Variants in GAS2 observed in about 807,000 individuals in gnomAD.
GAS2 encodes growth arrest specific 2.
A neutral mutation model predicts 37.5 loss-of-function variants in GAS2; 20 were observed. The observed-to-expected ratio is 0.53, with a 90% confidence interval of 0.37 to 0.77. The LOEUF is 0.77. GAS2 is among the 30% of genes least tolerant of loss of function. The pLI is 0.00. For synonymous variants in GAS2, 144 were observed against 132.2 expected (o/e 1.09, Z -0.61); for missense variants, 336 against 373.4 (o/e 0.90, Z 0.82).
At chr11:22,731,461 T>A (rs578081983) in intron 4 of GAS2, 6 of 314,360 alleles carry the variant, frequency 1.9e-5, no homozygotes, top group African/African-American at 2.2e-5. Flanking sequence ...TTTAAAAAAA[T>A]TTATTTTCTG....
chr11:22,662,771 A>G (rs528940106), upstream of GAS2, among the ~76,000 whole-genome samples: 53 of 152,236 alleles, frequency 3.5e-4, no homozygotes, highest in African/African-American at 1.2e-3. Context: ...TCTAACCCAG[A>G]AACTTTGGAG....
intron 1 of GAS2, among the ~76,000 whole-genome samples, chr11:22,630,139 C>T (rs1398232650): frequency 1.3e-5 from 2 of 152,088 alleles, no homozygotes; most frequent in African/African-American, 4.8e-5. Flanking sequence ...TGTTGGTGTG[C>T]TGCACCCATT....
At chr11:22,642,644 G>A (rs1004845083) in intron 1 of GAS2, among the ~76,000 whole-genome samples, 3 of 152,154 alleles carry the variant, frequency 2.0e-5, no homozygotes, top group South Asian at 2.1e-4. Flanking sequence ...ATCAGCAATC[G>A]ATACCAGCTG....
At chr11:22,734,311 T>C (rs1346542254) in intron 4 of GAS2, among the ~76,000 whole-genome samples, 1 of 151,804 alleles carries the variant, frequency 6.6e-6, no homozygotes, top group Non-Finnish European at 1.5e-5. Flanking sequence ...TTGTAATTGC[T>C]GAAGGATATC....
chr11:22,767,731 G>A (rs940111230), intron 7 of GAS2, among the ~76,000 whole-genome samples: 15 of 152,184 alleles, frequency 9.9e-5, no homozygotes, highest in African/African-American at 3.6e-4. Context: ...GATTCAGTAA[G>A]AAATATGCTT....
intron 3 of GAS2, chr11:22,702,541 T>C (rs1311092964): frequency 1.3e-5 from 2 of 152,244 alleles, no homozygotes; most frequent in Non-Finnish European, 2.9e-5. Context: ...AGCTTACTTT[T>C]TATGCCCTAA....
chr11:22,728,598 T>C (rs1469220011), intron 4 of GAS2, among the ~76,000 whole-genome samples: 1 of 151,550 alleles, frequency 6.6e-6, no homozygotes, highest in African/African-American at 2.4e-5. Flanking sequence ...AATTTAAAAA[T>C]CTTTTGTAAA....
At chr11:22,627,565 TC>T (rs1337203616) in intron 1 of GAS2, among the ~76,000 whole-genome samples, 1 of 152,080 alleles carries the variant, frequency 6.6e-6, no homozygotes, top group Non-Finnish European at 1.5e-5. Context: ...GGTCAGGAGT[TC>T]CAGACCAGCC....
intron 3 of GAS2, chr11:22,688,482 G>T (rs970283580): frequency 1.2e-4 from 19 of 152,050 alleles, no homozygotes; most frequent in African/African-American, 4.6e-4. Flanking sequence ...CATGAGAGCT[G>T]CTATGTGCAA....
intron 7 of GAS2, among the ~76,000 whole-genome samples, chr11:22,785,576 C>A (rs1230185379): frequency 6.6e-6 from 1 of 152,134 alleles, no homozygotes; most frequent in Non-Finnish European, 1.5e-5. Flanking sequence ...CTTGTCACCT[C>A]CACAGCTGTG....
At chr11:22,670,888 TTCA>T (rs1183116720) in intron 1 of GAS2, among the ~76,000 whole-genome samples, 1 of 152,102 alleles carries the variant, frequency 6.6e-6, no homozygotes, top group Non-Finnish European at 1.5e-5. Flanking sequence ...TGTATATCAT[TTCA>T]TGTTTTTTGT....
chr11:22,756,186 C>T (rs1242629129), intron 7 of GAS2, among the ~76,000 whole-genome samples: 1 of 151,876 alleles, frequency 6.6e-6, no homozygotes, highest in African/African-American at 2.4e-5. Flanking sequence ...CCATGGAGAT[C>T]AAATAGATGA....
intron 5 of GAS2, among the ~76,000 whole-genome samples, chr11:22,747,236 T>A (rs114859375): frequency 0.014 from 2,097 of 152,270 alleles, 56 homozygotes; most frequent in African/African-American, 0.048. Flanking sequence ...GCTGTTAGGT[T>A]ATTGCCCTGT....
intron 1 of GAS2, among the ~76,000 whole-genome samples, chr11:22,658,534 G>A (rs1378734283): frequency 6.6e-6 from 1 of 152,112 alleles, no homozygotes; most frequent in Non-Finnish European, 1.5e-5. Context: ...TTAAATGGCA[G>A]CATAATTTTT....
chr11:22,774,493 A>G (rs1437238559), intron 7 of GAS2, among the ~76,000 whole-genome samples: 2 of 152,240 alleles, frequency 1.3e-5, no homozygotes, highest in African/African-American at 4.8e-5. Flanking sequence ...AAATGTGGTT[A>G]GTATGACATT....
At chr11:22,636,174 A>G (rs1858818794) in intron 1 of GAS2, among the ~76,000 whole-genome samples, 2 of 152,180 alleles carry the variant, frequency 1.3e-5, no homozygotes, top group African/African-American at 2.4e-5. Flanking sequence ...AAAAGTTCAC[A>G]GCATGAATCT....
chr11:22,723,822 C>G (rs537113051), intron 3 of GAS2, among the ~76,000 whole-genome samples: 1 of 151,870 alleles, frequency 6.6e-6, no homozygotes, highest in Admixed American at 6.6e-5. Context: ...ACCATCATCT[C>G]TTGGAGATTT....
intron 1 of GAS2, among the ~76,000 whole-genome samples, chr11:22,641,130 C>G (rs1481102788): frequency 6.7e-6 from 1 of 149,814 alleles, no homozygotes; most frequent in Non-Finnish European, 1.5e-5. Flanking sequence ...GTCGGAAGGA[C>G]TGGAGGAGGG....
chr11:22,806,246 G>T (rs988830248), intron 7 of GAS2, among the ~76,000 whole-genome samples: 1 of 151,906 alleles, frequency 6.6e-6, no homozygotes, highest in Non-Finnish European at 1.5e-5. Context: ...ATGTCCTCTG[G>T]GTTCATTCTC....
Sources: gnomAD v4.1 joint callset for allele counts (sites outside exome capture counted in the v4.1 genomes callset) on GRCh38, gnomAD v4.1.1 for gene constraint, MANE v1.5 for transcripts, NCBI Gene and HGNC (gene_info 2026-07-23, HGNC 2026-07-21) for gene names.